BCHE: variants seen among roughly 807,000 people sequenced by gnomAD.
The protein encoded by BCHE is cholinesterase.
BCHE carries 48 observed loss-of-function variants against 51.3 expected under a neutral mutation model. That is an observed-to-expected ratio of 0.94 (90% CI 0.74 to 1.19). The LOEUF (loss-of-function observed/expected upper bound fraction) is 1.19. Among genes scored for constraint, BCHE ranks in the 50% most tolerant of loss-of-function variants. The pLI, the probability that BCHE is intolerant of heterozygous loss-of-function variation, is 0.00. For synonymous variants in BCHE, 251 were observed against 238.0 expected (o/e 1.05, Z -0.50); for missense variants, 847 against 708.2 (o/e 1.20, Z -2.23).
intron 2 of BCHE, among the ~76,000 whole-genome samples, chr3:165,807,542 ATTTATT>A (rs1713911963): frequency 6.6e-6 from 1 of 150,708 alleles, no homozygotes; most frequent in African/African-American, 2.4e-5. Flanking sequence ...TTATTTATTT[ATTTATT>A]TTTATTTATT....
At position 165,773,244 on chromosome 3, in the gene BCHE, T is replaced by C. The variant is rs1004477118; in HGVS notation, c.*138A>G. The stretch of plus-strand genomic sequence containing the variant: ...GCTAGGTAAAATACTAAGTTAAAGA[T>C]GTGAGGAATCAATATTATCCTTCTG... On this transcript the variant is annotated 3_prime_UTR_variant, in exon 4 of 4. Coordinates refer to ENST00000264381, the MANE Select transcript of BCHE (RefSeq NM_000055.4). 6 of 754,986 alleles carry C rather than the reference T, an allele frequency of 7.9e-6. No homozygotes were observed. In the Admixed American group the frequency reaches 1.4e-4, roughly 18 times the overall value. 46.8% of individuals were successfully genotyped at this position (754,986 alleles called of 1,614,324 possible).
At chr3:165,777,253 C>G (rs920787996) in intron 3 of BCHE, among the ~76,000 whole-genome samples, 2 of 151,682 alleles carry the variant, frequency 1.3e-5, no homozygotes, top group Non-Finnish European at 2.9e-5. Context: ...CATTGAGGAC[C>G]TTATTCATAT....
chr3:165,813,377 TACTA>T (rs1282119630), intron 2 of BCHE, among the ~76,000 whole-genome samples: 1 of 151,732 alleles, frequency 6.6e-6, no homozygotes, highest in African/African-American at 2.4e-5. Flanking sequence ...GTTCTAAAAT[TACTA>T]AATATTGCAT....
chr3:165,779,396 A>G (rs1712595041), intron 3 of BCHE, among the ~76,000 whole-genome samples: 2 of 152,126 alleles, frequency 1.3e-5, no homozygotes, highest in East Asian at 3.9e-4. Flanking sequence ...CTCCTATTCA[A>G]CATAGTATTG....
At chr3:165,775,350 C>T (rs1712424659) in intron 3 of BCHE, among the ~76,000 whole-genome samples, 1 of 151,748 alleles carries the variant, frequency 6.6e-6, no homozygotes, top group Admixed American at 6.6e-5. Flanking sequence ...TTAAAAAGAT[C>T]AGTCACTATA....
At chr3:165,777,107 A>G (rs74765634) in intron 3 of BCHE, among the ~76,000 whole-genome samples, 8,033 of 152,018 alleles carry the variant, frequency 0.053, 283 homozygotes, top group Non-Finnish European at 0.079. Context: ...GTATATATTA[A>G]TAGGATTTTA....
intron 2 of BCHE, among the ~76,000 whole-genome samples, chr3:165,817,092 T>C (rs1404533059): frequency 1.3e-5 from 2 of 152,196 alleles, no homozygotes; most frequent in African/African-American, 4.8e-5. Flanking sequence ...TGTTAATATC[T>C]CAGGAAATGT....
chr3:165,789,994 C>G (rs1228633401), intron 2 of BCHE, among the ~76,000 whole-genome samples: 1 of 151,984 alleles, frequency 6.6e-6, no homozygotes, highest in Non-Finnish European at 1.5e-5. Context: ...TTAGATGATA[C>G]TAGGTGCTAG....
intron 2 of BCHE, among the ~76,000 whole-genome samples, chr3:165,813,360 A>C (rs890205734): frequency 8.6e-5 from 13 of 151,644 alleles, no homozygotes; most frequent in Non-Finnish European, 1.3e-4. Flanking sequence ...TAAATGAATA[A>C]TATCTCGTTC....
At chr3:165,824,912 T>C (rs1714663352) in intron 2 of BCHE, among the ~76,000 whole-genome samples, 1 of 152,098 alleles carries the variant, frequency 6.6e-6, no homozygotes, top group South Asian at 2.1e-4. Context: ...ACATTCTCTT[T>C]ACATTAATCA....
intron 2 of BCHE, among the ~76,000 whole-genome samples, chr3:165,801,337 G>A (rs1713635439): frequency 6.6e-6 from 1 of 152,154 alleles, no homozygotes; most frequent in Non-Finnish European, 1.5e-5. Flanking sequence ...AATAACTTAT[G>A]ATTTGCATGT....
In BCHE at chr3:165,830,470, A is replaced by T; in HGVS notation, c.564T>A (p.Pro188=). 5.6e-6 allele frequency: 9 copies of T among 1,613,776 alleles called. No individual in the cohort carries two copies. Among genetic ancestry groups the T allele is most frequent in the Non-Finnish European group, 7.6e-6 (9 of 1,179,854 alleles). The change falls in exon 2 of 4, where the codon CCT becomes CCA. Residue 188 remains proline, a synonymous_variant. Coordinates refer to ENST00000264381, the MANE Select transcript of BCHE (RefSeq NM_000055.4). ...ALGFLALPGN[P]EAPGNMGLFD... ...ATAAACCCATGTTCCCTGGAGCCTC[A>T]GGATTTCCTGGCAAAGCTAAGAATC... is the stretch of plus-strand genomic sequence containing the variant.
At chr3:165,792,556 CAA>C (rs1713210521) in intron 2 of BCHE, among the ~76,000 whole-genome samples, 1 of 151,994 alleles carries the variant, frequency 6.6e-6, no homozygotes, top group African/African-American at 2.4e-5. Flanking sequence ...TATTGAAAAA[CAA>C]GATGCCATTA....
intron 2 of BCHE, among the ~76,000 whole-genome samples, chr3:165,827,122 G>T (rs116458873): frequency 6.6e-6 from 1 of 152,042 alleles, no homozygotes; most frequent in Non-Finnish European, 1.5e-5. Flanking sequence ...TTCCACTGCC[G>T]TTCACTTAAT....
chr3:165,801,638 T>C (rs1028986968), intron 2 of BCHE, among the ~76,000 whole-genome samples: 13 of 152,342 alleles, frequency 8.5e-5, no homozygotes, highest in African/African-American at 3.1e-4. Context: ...ATGGTAACTT[T>C]ATAAGAAACA....
intron 3 of BCHE, chr3:165,777,796 C>T (rs1233851851): frequency 2.2e-6 from 1 of 453,198 alleles, no homozygotes; most frequent in Non-Finnish European, 4.5e-6. Context: ...ACTCCTCAGC[C>T]TACTCAATGT....
chr3:165,799,702 A>G (rs1244071745), intron 2 of BCHE, among the ~76,000 whole-genome samples: 3 of 152,120 alleles, frequency 2.0e-5, no homozygotes, highest in Non-Finnish European at 4.4e-5. Context: ...CAAAGTGAGC[A>G]TTGAACATTG....
chr3:165,795,274 T>C (rs187141140), intron 2 of BCHE, among the ~76,000 whole-genome samples: 20 of 152,298 alleles, frequency 1.3e-4, no homozygotes, highest in Admixed American at 3.9e-4. Flanking sequence ...GAGGAGTCAT[T>C]ATATAGACGA....
chr3:165,806,871 A>G (rs1397674646), intron 2 of BCHE, among the ~76,000 whole-genome samples: 2 of 152,076 alleles, frequency 1.3e-5, no homozygotes, highest in Non-Finnish European at 2.9e-5. Context: ...CAGTTATTAA[A>G]TTAGAGAAAG....
Sources: allele counts gnomAD v4.1 joint callset (sites outside exome capture counted in the v4.1 genomes callset), GRCh38; gene constraint gnomAD v4.1.1; transcripts MANE v1.5; gene names NCBI Gene and HGNC (gene_info 2026-07-23, HGNC 2026-07-21).